The following SPOCK1 variants were observed in gnomAD, a reference collection of about 807,000 sequenced individuals.
SPOCK1 encodes SPARC (osteonectin), cwcv and kazal like domains proteoglycan 1.
SPOCK1 carries 23 observed loss-of-function variants against 55.3 expected under a neutral mutation model. The observed-to-expected ratio is 0.42, with a 90% CI of 0.30 to 0.59. SPOCK1 has a LOEUF of 0.59. Among genes scored for constraint, SPOCK1 ranks in the 20% least tolerant of loss-of-function variants. SPOCK1 has a pLI of 0.22. For missense variants in SPOCK1, 499 were observed against 552.5 expected (o/e 0.90, Z 0.97); for synonymous variants, 226 against 221.0 (o/e 1.02, Z -0.20).
At chr5:137,313,131 G>A (rs1206511570) in intron 2 of SPOCK1, among the ~76,000 whole-genome samples, 3 of 152,150 alleles carry the variant, frequency 2.0e-5, no homozygotes, top group Non-Finnish European at 2.9e-5. Flanking sequence ...ACCAAAATGT[G>A]TCCCTACCAT....
chr5:137,388,411 G>C (rs145642705), intron 2 of SPOCK1, among the ~76,000 whole-genome samples: 1 of 152,072 alleles, frequency 6.6e-6, no homozygotes, highest in African/African-American at 2.4e-5. Context: ...GGGAGGGAGG[G>C]GGGGAAATGA....
intron 2 of SPOCK1, among the ~76,000 whole-genome samples, chr5:137,484,597 G>A (rs1754015089): frequency 6.6e-6 from 1 of 152,186 alleles, no homozygotes; most frequent in South Asian, 2.1e-4. Context: ...ATATTCTACA[G>A]TTCCAAGGGT....
At chr5:137,014,896 G>T (rs542974659) in intron 6 of SPOCK1, among the ~76,000 whole-genome samples, 2 of 152,316 alleles carry the variant, frequency 1.3e-5, no homozygotes, top group East Asian at 1.9e-4. Flanking sequence ...CACGGTGGGG[G>T]TCTTGCTGAG....
In SPOCK1 at chr5:137,002,782, C is replaced by T. The variant is rs147271381; in HGVS notation, c.590-10182G>A. On this transcript the variant is annotated intron_variant, in intron 6 of 10. Coordinates refer to ENST00000394945, the MANE Select transcript of SPOCK1 (RefSeq NM_004598.4). ...GCTCAACCTGGACTACTGAGAGAGC[C>T]ATGGGGGAAGGGGAAGGACAGAGTC... is the stretch of plus-strand genomic sequence containing the variant. 1.9e-4 allele frequency among the ~76,000 whole-genome samples: 29 copies of T among 152,242 alleles called. No individual in the cohort carries two copies. The East Asian group carries it at 5.6e-3, about 29-fold the overall frequency.
chr5:137,498,563 G>C lies in SPOCK1; in HGVS notation c.1-5C>G, dbSNP rs1210396968. ...CAACACCGCGATCGCCGGCATCTGC[G>C]GGGCAGGGCGCGCAGGGCGATGAGC... is the stretch of plus-strand genomic sequence containing the variant. On this transcript the variant is annotated splice_polypyrimidine_tract_variant and splice_region_variant and intron_variant, in intron 1 of 10. Coordinates refer to ENST00000394945, the MANE Select transcript of SPOCK1 (RefSeq NM_004598.4). 6.0e-6 allele frequency: 9 copies of C among 1,487,644 alleles called. No homozygotes were observed. Among genetic ancestry groups the C allele is most frequent in the Non-Finnish European group, 8.0e-6 (9 of 1,127,202 alleles). 92.2% of individuals were successfully genotyped at this position (1,487,644 alleles called of 1,614,324 possible).
chr5:136,991,696 A>G (rs1296075334), intron 7 of SPOCK1, among the ~76,000 whole-genome samples: 1 of 152,226 alleles, frequency 6.6e-6, no homozygotes, highest in East Asian at 1.9e-4. Flanking sequence ...AATTGTGTTT[A>G]GTAATCTATT....
rs549029872 is a variant in SPOCK1, at chr5:137,180,130, G to A, written c.233-39436C>T. The stretch of plus-strand genomic sequence containing the variant: ...CTGGATCTGGCAGAGGCAAGCATCC[G>A]GTTCTCCACCCCTCTAGCACCTGCC... On this transcript the variant is annotated intron_variant, in intron 3 of 10. Coordinates refer to ENST00000394945, the MANE Select transcript of SPOCK1 (RefSeq NM_004598.4). 2.1e-4 allele frequency among the ~76,000 whole-genome samples: 32 copies of A among 152,204 alleles called. No homozygotes were observed. In the South Asian group the frequency reaches 6.2e-3, roughly 30 times the overall value.
At chr5:137,180,662 C>T (rs890961837) in intron 3 of SPOCK1, among the ~76,000 whole-genome samples, 1 of 152,110 alleles carries the variant, frequency 6.6e-6, no homozygotes, top group African/African-American at 2.4e-5. Context: ...TGGCCAAGAA[C>T]CCCCACTGTT....
At chr5:137,083,052 G>C (rs573437900) in intron 5 of SPOCK1, among the ~76,000 whole-genome samples, 1 of 152,126 alleles carries the variant, frequency 6.6e-6, no homozygotes, top group Non-Finnish European at 1.5e-5. Context: ...AGCTCTGAGG[G>C]GGGACCCTGT....
intron 2 of SPOCK1, among the ~76,000 whole-genome samples, chr5:137,487,894 G>A (rs892183425): frequency 6.6e-6 from 1 of 152,156 alleles, no homozygotes; most frequent in African/African-American, 2.4e-5. Context: ...TGATGTGAAT[G>A]GTAGCCCTGT....
At chr5:137,205,919 C>T (rs1755513393) in intron 3 of SPOCK1, among the ~76,000 whole-genome samples, 1 of 152,168 alleles carries the variant, frequency 6.6e-6, no homozygotes, top group African/African-American at 2.4e-5. Context: ...CTATCATTGC[C>T]ACCACTGAAC....
intron 2 of SPOCK1, among the ~76,000 whole-genome samples, chr5:137,330,237 T>C (rs1292998077): frequency 1.3e-5 from 2 of 152,110 alleles, no homozygotes; most frequent in African/African-American, 2.4e-5. Context: ...CCCCAGACAC[T>C]GTGGGGATGG....
In SPOCK1 at chr5:137,184,216, C is replaced by T. The variant is rs957703121; in HGVS notation, c.233-43522G>A. On this transcript the variant is annotated intron_variant, in intron 3 of 10. Coordinates refer to ENST00000394945, the MANE Select transcript of SPOCK1 (RefSeq NM_004598.4). ...GCTTCAGCTTTCTCCCAAGGGCATA[C>T]GGCTCTGTTTAAGAGGCTAGCCAAA... is the stretch of plus-strand genomic sequence containing the variant. Among the ~76,000 whole-genome samples the T allele has an allele frequency of 2.6e-5, 4 of 152,266 alleles. No homozygotes were observed. In the East Asian group the frequency reaches 5.8e-4, roughly 22 times the overall value.
chr5:137,340,895 A>G (rs1750406798), intron 2 of SPOCK1, among the ~76,000 whole-genome samples: 1 of 151,842 alleles, frequency 6.6e-6, no homozygotes, highest in Admixed American at 6.6e-5. Context: ...AAAAAAAAAA[A>G]AGGAAGAAGA....
intron 2 of SPOCK1, among the ~76,000 whole-genome samples, chr5:137,481,191 C>T (rs2149842430): frequency 6.9e-6 from 1 of 145,890 alleles, no homozygotes; most frequent in Admixed American, 6.8e-5. Context: ...CCTTCTCTCT[C>T]TCTGCAAGCC....
At chr5:137,274,821 T>G (rs575050693) in intron 2 of SPOCK1, among the ~76,000 whole-genome samples, 8 of 152,326 alleles carry the variant, frequency 5.3e-5, no homozygotes, top group African/African-American at 1.9e-4. Flanking sequence ...GCTACAGGCA[T>G]ATTTTGCGTA....
intron 6 of SPOCK1, 41 bp downstream of exon 6, chr5:137,067,674 C>T: frequency 6.4e-7 from 1 of 1,563,678 alleles, no homozygotes; most frequent in Non-Finnish European, 8.8e-7. Context: ...TGTGACCCCC[C>T]ATTCCTGCCC....
At chr5:137,426,358 C>G (rs969229462) in intron 2 of SPOCK1, among the ~76,000 whole-genome samples, 2 of 152,168 alleles carry the variant, frequency 1.3e-5, no homozygotes, top group African/African-American at 4.8e-5. Context: ...AATGAGAATT[C>G]TGGACACCCA....
intron 6 of SPOCK1, among the ~76,000 whole-genome samples, chr5:136,993,863 C>A (rs1415422134): frequency 6.6e-6 from 1 of 152,178 alleles, no homozygotes; most frequent in Non-Finnish European, 1.5e-5. Context: ...AACGCAGGAC[C>A]TGATTGAATT....
Sources: allele counts gnomAD v4.1 joint callset (sites outside exome capture counted in the v4.1 genomes callset), GRCh38; gene constraint gnomAD v4.1.1; transcripts MANE v1.5; gene names NCBI Gene and HGNC (gene_info 2026-07-23, HGNC 2026-07-21).